The following WIF1 variants were observed in gnomAD, a reference collection of about 807,000 sequenced individuals.
WIF1 encodes the protein Wnt inhibitory factor 1.
A neutral mutation model predicts 53.5 loss-of-function variants in WIF1; 35 were observed. That is an observed-to-expected ratio of 0.65 (90% CI 0.50 to 0.87). WIF1 has a LOEUF of 0.87. Ranked by LOEUF, WIF1 falls within the 40% of genes least tolerant of loss-of-function variation. The pLI is 0.00. For synonymous variants in WIF1, 171 were observed against 170.4 expected, an observed-to-expected ratio of 1.00 and a Z score of -0.03; for missense variants, 467 against 476.8, an observed-to-expected ratio of 0.98 and a Z score of 0.19.
intron 7 of WIF1, among the ~76,000 whole-genome samples, chr12:65,060,782 AT>A (rs1396667077): frequency 5.9e-5 from 9 of 152,316 alleles, no homozygotes; most frequent in African/African-American, 2.2e-4. Flanking sequence ...CTCAAGACCC[AT>A]TTCCATATTT....
chr12:65,051,802 C>T (rs941110230), intron 9 of WIF1, among the ~76,000 whole-genome samples: 2 of 152,182 alleles, frequency 1.3e-5, no homozygotes, highest in Non-Finnish European at 2.9e-5. Context: ...ATTTTGAATG[C>T]AGCTGCAGAT....
chr12:65,098,529 T>G, intron 2 of WIF1, among the ~76,000 whole-genome samples: 1 of 152,190 alleles, frequency 6.6e-6, no homozygotes, highest in East Asian at 1.9e-4. Context: ...TCCGTTTTGC[T>G]ATTGTTCAAT....
chr12:65,079,566 T>C (rs2136622784), intron 2 of WIF1, among the ~76,000 whole-genome samples: 1 of 149,694 alleles, frequency 6.7e-6, no homozygotes, highest in East Asian at 2.0e-4. Context: ...GCAGAGGTTG[T>C]CATGAGCTGA....
Position 65,051,309 on chromosome 12 carries a change from A to T in WIF1, c.*40T>A. On this transcript the variant is annotated 3_prime_UTR_variant, in exon 10 of 10. Coordinates refer to ENST00000286574, the MANE Select transcript of WIF1 (RefSeq NM_007191.5). ...AACACATGAAAGGTTAACAAAGGCT[A>T]TGAACTTGGTGTAACTTAAAACGTT... is the stretch of plus-strand genomic sequence containing the variant. 2.5e-6 allele frequency: 4 copies of T among 1,595,682 alleles called. No individual in the cohort carries two copies. Among genetic ancestry groups the T allele is most frequent in the Middle Eastern group, 1.8e-4 (1 of 5,690 alleles).
intron 2 of WIF1, among the ~76,000 whole-genome samples, chr12:65,118,848 A>C (rs1459484662): frequency 6.7e-6 from 1 of 148,304 alleles, no homozygotes; most frequent in Non-Finnish European, 1.5e-5. Flanking sequence ...TGAGAGAGAA[A>C]GAGATAGAGA....
chr12:65,094,892 C>T (rs1883178528), intron 2 of WIF1, among the ~76,000 whole-genome samples: 2 of 149,922 alleles, frequency 1.3e-5, no homozygotes, highest in South Asian at 4.3e-4. Context: ...CCTCCTCCTT[C>T]CTCTTCTTCT....
At chr12:65,077,928 A>G in intron 2 of WIF1, 74 bp from the exon 3 acceptor site, 1 of 1,123,956 alleles carries the variant, frequency 8.9e-7, no homozygotes, top group Non-Finnish European at 1.3e-6. Context: ...TTCATCGTCC[A>G]TCTGATGGGG....
chr12:65,073,846 T>C (rs6581606), intron 3 of WIF1, among the ~76,000 whole-genome samples: 89,132 of 151,998 alleles, frequency 0.59, 27,186 homozygotes, highest in East Asian at 0.86. Flanking sequence ...ACAAACAAAT[T>C]CTACATCTGC....
At chr12:65,069,927 A>G (rs1313951422) in intron 3 of WIF1, among the ~76,000 whole-genome samples, 8 of 152,220 alleles carry the variant, frequency 5.3e-5, no homozygotes, top group Non-Finnish European at 1.2e-4. Flanking sequence ...TCTTGTGAAT[A>G]TAAAGAAATA....
chr12:65,072,400 A>G (rs1225497279), intron 3 of WIF1, among the ~76,000 whole-genome samples: 1 of 152,128 alleles, frequency 6.6e-6, no homozygotes, highest in Non-Finnish European at 1.5e-5. Context: ...ACCTATATAT[A>G]TTATTTCATT....
intron 2 of WIF1, among the ~76,000 whole-genome samples, chr12:65,091,903 C>T (rs1280044581): frequency 6.6e-6 from 1 of 152,108 alleles, no homozygotes; most frequent in African/African-American, 2.4e-5. Flanking sequence ...AGGGATGCAG[C>T]AGTCAGCAAA....
At chr12:65,090,043 G>C (rs1483754963) in intron 2 of WIF1, among the ~76,000 whole-genome samples, 3 of 152,232 alleles carry the variant, frequency 2.0e-5, no homozygotes, top group Non-Finnish European at 1.5e-5. Flanking sequence ...GTCCATTTAA[G>C]GTATGAAATT....
intron 2 of WIF1, among the ~76,000 whole-genome samples, chr12:65,085,730 G>A (rs1169608868): frequency 1.3e-5 from 2 of 152,156 alleles, no homozygotes; most frequent in Non-Finnish European, 2.9e-5. Flanking sequence ...CAGCCAGTGG[G>A]CTGGACTGAG....
intron 7 of WIF1, among the ~76,000 whole-genome samples, chr12:65,058,097 T>C (rs1262819563): frequency 6.6e-6 from 1 of 152,150 alleles, no homozygotes; most frequent in Non-Finnish European, 1.5e-5. Flanking sequence ...GGTCCTTTTT[T>C]TTTTTGCCAG....
intron 2 of WIF1, among the ~76,000 whole-genome samples, 155 bp from the exon 3 acceptor site, chr12:65,078,009 C>A (rs551039340): frequency 1.2e-4 from 18 of 152,214 alleles, no homozygotes; most frequent in African/African-American, 4.3e-4. Flanking sequence ...ACAACTCACC[C>A]TTCTGTGTTA....
At chr12:65,117,254 AC>A (rs1288856053) in intron 2 of WIF1, among the ~76,000 whole-genome samples, 2 of 152,110 alleles carry the variant, frequency 1.3e-5, no homozygotes, top group Non-Finnish European at 2.9e-5. Context: ...AAAAGTCTAT[AC>A]CCTGCCTTTT....
rs571914011 is a variant in WIF1 at position 65,112,933 on chromosome 12, G to T, written c.288+7484C>A. ...CCTTCCCCAGGCAGGAAGAAGAGTG[G>T]CTTCCTTTGGCCACCCAGCCAATCC... On this transcript the variant is annotated intron_variant, in intron 2 of 9. Transcript: ENST00000286574. 2.3e-4 allele frequency among the ~76,000 whole-genome samples: 35 copies of T among 152,296 alleles called. No homozygotes were observed. In the South Asian group the frequency reaches 6.6e-3, roughly 29 times the overall value.
At chr12:65,100,492 T>C (rs1883266607) in intron 2 of WIF1, among the ~76,000 whole-genome samples, 1 of 152,180 alleles carries the variant, frequency 6.6e-6, no homozygotes, top group African/African-American at 2.4e-5. Flanking sequence ...AAAAAGAGAT[T>C]CTTGAATAAT....
At chr12:65,074,831 A>AAG (rs1446378216) in intron 3 of WIF1, among the ~76,000 whole-genome samples, 6 of 142,236 alleles carry the variant, frequency 4.2e-5, no homozygotes, top group Non-Finnish European at 6.3e-5. Flanking sequence ...AAAAAAAAAA[A>AAG]AAAAAAAGAA....
Sources: allele counts gnomAD v4.1 joint callset (sites outside exome capture counted in the v4.1 genomes callset), GRCh38; gene constraint gnomAD v4.1.1; transcripts MANE v1.5; gene names NCBI Gene and HGNC (gene_info 2026-07-23, HGNC 2026-07-21).